RBFOX1: variants seen among roughly 807,000 people sequenced by gnomAD.
RBFOX1 encodes the protein RNA binding protein fox-1 homolog 1.
Under a neutral mutation model 57.7 loss-of-function variants are expected in RBFOX1, and 8 were observed. The observed-to-expected ratio is 0.14, with a 90% CI of 0.08 to 0.25. The LOEUF (loss-of-function observed/expected upper bound fraction) is 0.25. RBFOX1 is among the 10% of genes least tolerant of loss of function. The pLI, the probability that RBFOX1 is intolerant of heterozygous loss-of-function variation, is 1.00. For missense variants in RBFOX1, 611 were observed against 548.5 expected (o/e 1.11, Z -1.14); for synonymous variants, 326 against 222.4 (o/e 1.47, Z -4.15).
chr16:5,575,248 T>G (rs1345400159), intron 2 of RBFOX1, among the ~76,000 whole-genome samples: 2 of 152,208 alleles, frequency 1.3e-5, no homozygotes, highest in Non-Finnish European at 2.9e-5. Context: ...TATTAAGGAA[T>G]GGATGAAGTT....
chr16:6,749,684 C>T (rs2074526156), intron 3 of RBFOX1, among the ~76,000 whole-genome samples: 1 of 152,100 alleles, frequency 6.6e-6, no homozygotes, highest in Non-Finnish European at 1.5e-5. Context: ...TCTTAGTGAC[C>T]TCAGTAAATA....
chr16:5,904,755 A>T (rs906385849), intron 4 of RBFOX1, among the ~76,000 whole-genome samples: 15 of 151,936 alleles, frequency 9.9e-5, no homozygotes, highest in African/African-American at 3.4e-4. Context: ...AGGTGGGCAG[A>T]TCACGAGGTC....
chr16:6,336,020 G>T (rs141550114), intron 2 of RBFOX1, among the ~76,000 whole-genome samples: 1 of 149,416 alleles, frequency 6.7e-6, no homozygotes, highest in Non-Finnish European at 1.5e-5. Flanking sequence ...TTTGACCTCA[G>T]TCTGTGACCT....
At chr16:7,361,590 T>C (rs1462316780) in intron 4 of RBFOX1, among the ~76,000 whole-genome samples, 3 of 152,150 alleles carry the variant, frequency 2.0e-5, no homozygotes, top group Non-Finnish European at 2.9e-5. Context: ...CCCGGCCTTG[T>C]TTCTACTTAT....
At chr16:7,410,476 G>A (rs2081468980) in intron 4 of RBFOX1, among the ~76,000 whole-genome samples, 1 of 152,212 alleles carries the variant, frequency 6.6e-6, no homozygotes, top group Admixed American at 6.5e-5. Flanking sequence ...GAGGTTGGGA[G>A]TTCGAGACCA....
intron 4 of RBFOX1, among the ~76,000 whole-genome samples, chr16:7,223,622 C>G (rs775412252): frequency 6.7e-6 from 1 of 149,750 alleles, no homozygotes; most frequent in Non-Finnish European, 1.5e-5. Context: ...TTGATGCTTT[C>G]AAGCATTATG....
At position 5,979,820 on chromosome 16, in the gene RBFOX1, C is replaced by G. The variant is rs548611607; in HGVS notation, c.351+112485C>G. Among the ~76,000 whole-genome samples the G allele has an allele frequency of 5.9e-5, 9 of 152,016 alleles. No homozygotes were observed. In the South Asian group the frequency reaches 1.9e-3, roughly 32 times the overall value. ...GAGGTTGCAGTGCGCCGAGATCGTA[C>G]CACTGCGCTCCAGCCTGGCAACAGA... On this transcript the variant is annotated intron_variant, in intron 4 of 19. Transcript: ENST00000641259.
chr16:7,394,795 C>T (rs532443495), intron 4 of RBFOX1, among the ~76,000 whole-genome samples: 2 of 152,152 alleles, frequency 1.3e-5, no homozygotes, highest in Non-Finnish European at 2.9e-5. Context: ...TATAAATGAT[C>T]AGATCGCTGC....
intron 2 of RBFOX1, among the ~76,000 whole-genome samples, chr16:6,385,093 A>G (rs2092152846): frequency 6.6e-6 from 1 of 152,134 alleles, no homozygotes; most frequent in Non-Finnish European, 1.5e-5. Flanking sequence ...TCAGACTCTC[A>G]TTCACTCTAA....
chr16:5,932,737 A>G (rs2059089425), intron 4 of RBFOX1, among the ~76,000 whole-genome samples: 2 of 152,086 alleles, frequency 1.3e-5, no homozygotes, highest in Admixed American at 1.3e-4. Flanking sequence ...TGCATTTCCC[A>G]TCTCTCCCAA....
intron 3 of RBFOX1, among the ~76,000 whole-genome samples, chr16:6,679,441 T>C (rs2058276365): frequency 6.6e-6 from 1 of 152,072 alleles, no homozygotes; most frequent in African/African-American, 2.4e-5. Flanking sequence ...CAGTGCCTCG[T>C]TTCTTGGTCT....
chr16:7,585,678 G>C (rs1219184376), intron 6 of RBFOX1, among the ~76,000 whole-genome samples: 2 of 152,168 alleles, frequency 1.3e-5, no homozygotes, highest in Non-Finnish European at 2.9e-5. Flanking sequence ...AGATTGGGCT[G>C]TCTGTATTCA....
intron 3 of RBFOX1, among the ~76,000 whole-genome samples, chr16:6,928,488 A>G (rs770515024): frequency 3.3e-5 from 5 of 152,058 alleles, no homozygotes; most frequent in Non-Finnish European, 7.4e-5. Flanking sequence ...CAGAAATAAG[A>G]CTGCTTTCAT....
intron 3 of RBFOX1, among the ~76,000 whole-genome samples, chr16:6,740,819 A>T (rs2071833891): frequency 6.6e-6 from 1 of 152,232 alleles, no homozygotes; most frequent in Non-Finnish European, 1.5e-5. Context: ...GAGGTAATGC[A>T]ATCATTTCAA....
intron 1 of RBFOX1, among the ~76,000 whole-genome samples, chr16:6,099,230 C>A (rs1750558548): frequency 6.6e-6 from 1 of 152,164 alleles, no homozygotes; most frequent in Non-Finnish European, 1.5e-5. Context: ...TTAAGAGGGC[C>A]TGCCATTTGT....
At chr16:6,769,232 G>A (rs1256499372) in intron 3 of RBFOX1, among the ~76,000 whole-genome samples, 1 of 152,230 alleles carries the variant, frequency 6.6e-6, no homozygotes, top group Admixed American at 6.5e-5. Flanking sequence ...CCCTGCACAA[G>A]TTCTTTCTTT....
intron 1 of RBFOX1, among the ~76,000 whole-genome samples, chr16:5,310,094 T>G (rs2064044082): frequency 6.6e-6 from 1 of 152,200 alleles, no homozygotes; most frequent in African/African-American, 2.4e-5. Flanking sequence ...TCTTTCCTGA[T>G]CTGCCCTGGC....
intron 3 of RBFOX1, among the ~76,000 whole-genome samples, chr16:6,956,531 T>C (rs2153536313): frequency 6.6e-6 from 1 of 152,224 alleles, no homozygotes; most frequent in African/African-American, 2.4e-5. Context: ...GGAAGGAGAA[T>C]TGAAACCTAA....
At position 5,775,125 on chromosome 16, in the gene RBFOX1, C is replaced by G. The variant is rs113163315; in HGVS notation, c.319-92178C>G. On this transcript the variant is annotated intron_variant, in intron 3 of 19. Coordinates refer to the RBFOX1 transcript ENST00000641259. ...GATCCTTGAGTGATGGTGTAGACAA[C>G]AGAATGTAGTCCACACCCCCAAATC... Among the ~76,000 whole-genome samples, 417 of 152,260 alleles carry G rather than the reference C, an allele frequency of 2.7e-3. 3 individuals are homozygous for G. The highest frequency in any genetic ancestry group is 0.017 in the Middle Eastern group (5 of 294).
Sources: gnomAD v4.1 joint callset for allele counts (sites outside exome capture counted in the v4.1 genomes callset) on GRCh38, gnomAD v4.1.1 for gene constraint, MANE v1.5 for transcripts, NCBI Gene and HGNC (gene_info 2026-07-23, HGNC 2026-07-21) for gene names.